Variants in ACAT2 observed in about 807,000 individuals in gnomAD.
ACAT2 encodes acetyl-CoA acetyltransferase 2.
In ACAT2, 26 loss-of-function variants were observed where a neutral mutation model predicts 37.1. That is an observed-to-expected ratio of 0.70 (90% confidence interval 0.51 to 0.97). The LOEUF is 0.97. Ranked by LOEUF, ACAT2 falls within the 50% of genes least tolerant of loss-of-function variation. The pLI is 0.00. For missense variants in ACAT2, 468 were observed against 489.0 expected, an observed-to-expected ratio of 0.96 and a Z score of 0.40; for synonymous variants, 156 against 163.6, an observed-to-expected ratio of 0.95 and a Z score of 0.35.
chr6:159,762,091 A>C lies in ACAT2; in HGVS notation c.4A>C (p.Asn2His). The change falls in exon 1 of 9, where the codon AAT becomes CAT. Residue 2 changes from asparagine (N) to histidine (H), a missense_variant. Asn to His is a moderately conservative substitution (Grantham distance 68). Coordinates refer to ENST00000367048, the MANE Select transcript of ACAT2 (RefSeq NM_005891.3). MNAGSDPVVIVS... is the reference protein window; with the variant it reads MHAGSDPVVIVS... ...AGACGGCGGCAGGAGAAGCAAGATG[A>C]ATGCAGGCTCAGATCCTGTGGTCAT... The C allele has an allele frequency of 6.2e-7, 1 of 1,613,116 alleles. No homozygotes were observed. Among genetic ancestry groups the C allele is most frequent in the Non-Finnish European group, 8.5e-7 (1 of 1,179,610 alleles).
chr6:159,768,015 A>G (rs545732798), intron 3 of ACAT2, among the ~76,000 whole-genome samples: 2 of 152,290 alleles, frequency 1.3e-5, no homozygotes, highest in African/African-American at 2.4e-5. Context: ...AGTCCAATCA[A>G]TGACTCTTTC....
chr6:159,762,388 A>C lies in ACAT2; in HGVS notation c.55+246A>C, dbSNP rs894971977. 2.2e-6 allele frequency: 3 copies of C among 1,375,556 alleles called. No individual in the cohort carries two copies. The African/African-American group carries it at 4.4e-5, about 20-fold the overall frequency. 85.2% of individuals were successfully genotyped at this position (1,375,556 alleles called of 1,614,324 possible). Reference sequence around the variant, plus strand: ...GTGCTTGGATTGGCTCCCGGGGTAGAGCCATCGCGTGGCCTGCCTCTCCCA... The same window carrying C: ...GTGCTTGGATTGGCTCCCGGGGTAGCGCCATCGCGTGGCCTGCCTCTCCCA... On this transcript the variant is annotated intron_variant, in intron 1 of 8. Coordinates refer to ENST00000367048, the MANE Select transcript of ACAT2 (RefSeq NM_005891.3).
chr6:159,775,339 A>T, intron 5 of ACAT2, 26 bp downstream of exon 5: 1 of 1,607,276 alleles, frequency 6.2e-7, no homozygotes, highest in Non-Finnish European at 8.5e-7. Context: ...TGGTTTAAAC[A>T]TCAACCTATT....
intron 4 of ACAT2, among the ~76,000 whole-genome samples, chr6:159,773,964 A>G (rs1244780214): frequency 6.6e-6 from 1 of 152,242 alleles, no homozygotes; most frequent in Admixed American, 6.5e-5. Flanking sequence ...ATATTTGGAT[A>G]ATCCAAAAAG....
At chr6:159,762,165 G>T (rs987640572) in intron 1 of ACAT2, 23 bp downstream of exon 1, 7 of 1,604,920 alleles carry the variant, frequency 4.4e-6, no homozygotes, top group Admixed American at 1.7e-5. Flanking sequence ...CGGGAGCCGC[G>T]CAGAGTCCGA....
chr6:159,766,404 C>A (rs1780256365), intron 2 of ACAT2, among the ~76,000 whole-genome samples: 1 of 150,162 alleles, frequency 6.7e-6, no homozygotes, highest in Admixed American at 6.7e-5. Context: ...CACCCCCCCG[C>A]ACTTTTTTTT....
chr6:159,764,420 C>T (rs1447446999), intron 2 of ACAT2, among the ~76,000 whole-genome samples: 3 of 151,766 alleles, frequency 2.0e-5, no homozygotes, highest in East Asian at 1.9e-4. Flanking sequence ...TTTGAACACT[C>T]GTAATTAATT....
rs15982 is a variant in ACAT2, at chr6:159,778,655, T to C, written c.1024-4T>C. 1,212,142 of 1,612,640 alleles carry C rather than the reference T, an allele frequency of 0.75. 458,906 individuals carry two copies. The highest frequency in any genetic ancestry group is 0.81 in the Admixed American group (48,344 of 59,970). On this transcript the variant is annotated splice_region_variant and splice_polypyrimidine_tract_variant and intron_variant, in intron 8 of 8. Transcript: ENST00000367048. ...AACAATCTAAATCTTTTCTCCCCCG[T>C]TAGGTCAATATTGAAGGAGGGGCTA...
chr6:159,775,350 T>A, intron 5 of ACAT2, 37 bp downstream of exon 5: 1 of 1,591,948 alleles, frequency 6.3e-7, no homozygotes, highest in Non-Finnish European at 8.6e-7. Flanking sequence ...TCAACCTATT[T>A]ATAGGTAAGA....
At position 159,770,626 on chromosome 6, in the gene ACAT2, A is replaced by G. The variant is rs191982764; in HGVS notation, c.490+1998A>G. Among the ~76,000 whole-genome samples the G allele has an allele frequency of 7.2e-4, 110 of 152,166 alleles. 1 individual carries two copies. In the East Asian group the frequency reaches 8.7e-3, roughly 12 times the overall value. On this transcript the variant is annotated intron_variant, in intron 4 of 8. Transcript: ENST00000367048. ...TGGGGGTTTGAGACTAGGCTGAGCA[A>G]CATAGTTAGACCTCATCTCTAAAAA... is the stretch of plus-strand genomic sequence containing the variant.
chr6:159,764,017 C>T (rs1373912950), intron 2 of ACAT2, among the ~76,000 whole-genome samples: 5 of 151,580 alleles, frequency 3.3e-5, no homozygotes, highest in East Asian at 2.0e-4. Context: ...AGGAGAATGG[C>T]GTGAACCCGG....
At chr6:159,775,454 G>A (rs754047096) in intron 5 of ACAT2, 141 bp downstream of exon 5, 9 of 968,216 alleles carry the variant, frequency 9.3e-6, no homozygotes, top group Non-Finnish European at 1.2e-5. Flanking sequence ...ATACATGAAT[G>A]TGGGGAGGGG....
At position 159,778,792 on chromosome 6, in the gene ACAT2, G is replaced by C; in HGVS notation, c.1157G>C (p.Gly386Ala). 1.2e-6 allele frequency: 2 copies of C among 1,614,230 alleles called. No homozygotes were observed. Among genetic ancestry groups the C allele is most frequent in the Non-Finnish European group, 1.7e-6 (2 of 1,180,036 alleles). ...SRGVAALCIG[G>A]GMGIAMCVQR... Reference sequence around the variant, plus strand: ...GGTGTTGCAGCCCTGTGCATTGGGGGTGGGATGGGAATAGCAATGTGTGTT... The same window carrying C: ...GGTGTTGCAGCCCTGTGCATTGGGGCTGGGATGGGAATAGCAATGTGTGTT... The change falls in exon 9 of 9, where the codon GGT (glycine) becomes GCT (alanine). Residue 386 changes from glycine (G) to alanine (A), a missense_variant. Gly to Ala is a moderately conservative substitution (Grantham distance 60, BLOSUM62 0). Coordinates refer to ENST00000367048, the MANE Select transcript of ACAT2 (RefSeq NM_005891.3).
rs761483534 is a variant in ACAT2 at position 159,762,048 on chromosome 6, T to C, written c.-40T>C. On this transcript the variant is annotated 5_prime_UTR_variant, in exon 1 of 9. Transcript: ENST00000367048. Reference sequence around the variant, plus strand: ...GCTGCGAGGAGGAGCTTTGCCTAGCTTGCAGGCAGCGCAGGGCAGACGGCG... The same window carrying C: ...GCTGCGAGGAGGAGCTTTGCCTAGCCTGCAGGCAGCGCAGGGCAGACGGCG... 4 of 1,608,780 alleles carry C rather than the reference T, an allele frequency of 2.5e-6. No individual in the cohort carries two copies. The African/African-American group carries it at 5.4e-5, about 22-fold the overall frequency.
chr6:159,762,183 G>C (rs781365110), intron 1 of ACAT2, 41 bp downstream of exon 1: 1 of 1,592,168 alleles, frequency 6.3e-7, no homozygotes. Context: ...CGAGGCGCCT[G>C]CTGCTTCGGC....
At chr6:159,775,506 C>G (rs1028218094) in intron 5 of ACAT2, 193 bp downstream of exon 5, 1 of 608,018 alleles carries the variant, frequency 1.6e-6, no homozygotes. Context: ...GGACCTATGT[C>G]AGCACTCAAG....
chr6:159,771,877 C>G (rs1268298683), intron 4 of ACAT2, among the ~76,000 whole-genome samples: 1 of 152,078 alleles, frequency 6.6e-6, no homozygotes, highest in South Asian at 2.1e-4. Flanking sequence ...CTGTGAGTAT[C>G]TACTGCATTC....
chr6:159,765,675 GC>G (rs748923091), intron 2 of ACAT2, among the ~76,000 whole-genome samples: 28 of 55,598 alleles, frequency 5.0e-4, no homozygotes, highest in African/African-American at 1.3e-3. Context: ...CAAGTAATGC[GC>G]CCCCCTCCCC....
At chr6:159,770,599 G>A (rs1010773589) in intron 4 of ACAT2, among the ~76,000 whole-genome samples, 1 of 151,854 alleles carries the variant, frequency 6.6e-6, no homozygotes, top group African/African-American at 2.4e-5. Flanking sequence ...ATCACTTGAG[G>A]CTGGGGGTTT....
Sources: gnomAD v4.1 joint callset for allele counts (sites outside exome capture counted in the v4.1 genomes callset) on GRCh38, gnomAD v4.1.1 for gene constraint, MANE v1.5 for transcripts, NCBI Gene and HGNC (gene_info 2026-07-23, HGNC 2026-07-21) for gene names.